Variants in MRTFA observed in about 807,000 individuals in gnomAD.
MRTFA encodes the protein myocardin-related transcription factor A.
Under a neutral mutation model 83.5 loss-of-function variants are expected in MRTFA, and 20 were observed. The ratio of observed to expected loss-of-function variants is 0.24; its 90% CI spans 0.17 to 0.35. MRTFA has a LOEUF of 0.35. MRTFA is among the 10% of genes least tolerant of loss of function. The pLI, the probability that MRTFA is intolerant of heterozygous loss-of-function variation, is 1.00. For synonymous variants in MRTFA, 659 were observed against 541.2 expected, an observed-to-expected ratio of 1.22 and a Z score of -3.02; for missense variants, 1,200 against 1,224.7, an observed-to-expected ratio of 0.98 and a Z score of 0.30.
At chr22:40,500,597 T>C (rs1181102739) in intron 3 of MRTFA, among the ~76,000 whole-genome samples, 1 of 151,816 alleles carries the variant, frequency 6.6e-6, no homozygotes, top group Non-Finnish European at 1.5e-5. Flanking sequence ...TGGTGACTCT[T>C]AACGAGCATG....
chr22:40,414,570 C>G (rs1185724888), intron 14 of MRTFA, among the ~76,000 whole-genome samples: 1 of 152,156 alleles, frequency 6.6e-6, no homozygotes, highest in Non-Finnish European at 1.5e-5. Flanking sequence ...CTGACACATG[C>G]TGCAACACAG....
chr22:40,489,461 C>G (rs2054234080), intron 3 of MRTFA, among the ~76,000 whole-genome samples: 1 of 151,786 alleles, frequency 6.6e-6, no homozygotes, highest in Non-Finnish European at 1.5e-5. Flanking sequence ...GTGTACACCA[C>G]CATGCCCAGC....
intron 7 of MRTFA, among the ~76,000 whole-genome samples, chr22:40,425,291 C>T (rs1313420387): frequency 6.6e-6 from 1 of 152,248 alleles, no homozygotes; most frequent in Non-Finnish European, 1.5e-5. Context: ...CGGCTCAACA[C>T]TGTCGTGGGA....
At position 40,420,613 on chromosome 22, in the gene MRTFA, T is replaced by C. The variant is rs758401892; in HGVS notation, c.1182-37A>G. 4.1e-5 allele frequency: 66 copies of C among 1,604,078 alleles called. No homozygotes were observed. The Middle Eastern group carries it at 7.5e-4, about 18-fold the overall frequency. On this transcript the variant is annotated intron_variant, in intron 10 of 14. Coordinates refer to ENST00000355630, the MANE Select transcript of MRTFA (RefSeq NM_020831.6). Reference sequence around the variant, plus strand: ...AGGCAGAAATTAGCCCCATCCAGCTTCGCCCGTGGCCTCTGCAGGTGGCAG... The same window carrying C: ...AGGCAGAAATTAGCCCCATCCAGCTCCGCCCGTGGCCTCTGCAGGTGGCAG...
intron 3 of MRTFA, among the ~76,000 whole-genome samples, chr22:40,547,009 G>C (rs946936383): frequency 3.3e-5 from 5 of 151,964 alleles, no homozygotes; most frequent in Non-Finnish European, 7.4e-5. Context: ...CAAAAAATTA[G>C]CCTGGCGTGG....
At chr22:40,516,556 G>A (rs1281701329) in intron 3 of MRTFA, among the ~76,000 whole-genome samples, 3 of 151,012 alleles carry the variant, frequency 2.0e-5, no homozygotes, top group Non-Finnish European at 2.9e-5. Flanking sequence ...CACAGCAAAT[G>A]TTCCTACTCT....
rs748627198 is a variant in MRTFA, at chr22:40,418,542, G to T, written c.2196C>A (p.Pro732=). ...GCAACTGGGGGGCGGGGACCGGCTC[G>T]GGCTCAGGCTGCAAGGCTTCCTGCT... is the stretch of plus-strand genomic sequence containing the variant. Residue 732 remains proline, a synonymous_variant, in exon 12 of 15, where the codon CCC becomes CCA. Transcript: ENST00000355630. 5 of 1,583,474 alleles carry T rather than the reference G, an allele frequency of 3.2e-6. No homozygotes were observed. The highest frequency in any genetic ancestry group is 2.3e-5 in the South Asian group (2 of 86,680).
intron 3 of MRTFA, among the ~76,000 whole-genome samples, chr22:40,498,273 A>ATATAT (rs1569297933): frequency 4.9e-5 from 2 of 40,970 alleles, no homozygotes; most frequent in Non-Finnish European, 8.5e-5. Context: ...ATATATATAT[A>ATATAT]TTTTTTTTTT....
At position 40,421,107 on chromosome 22, in the gene MRTFA, G is replaced by T. The variant is rs2052829389; in HGVS notation, c.928-7C>A. On this transcript the variant is annotated splice_polypyrimidine_tract_variant and splice_region_variant and intron_variant, in intron 9 of 14. Coordinates refer to ENST00000355630, the MANE Select transcript of MRTFA (RefSeq NM_020831.6). ...CAGACTTGGGTTGGCTTTGCTGAGG[G>T]CACAGGAGACAGGGTGCCATTCAGG... is the stretch of plus-strand genomic sequence containing the variant. 1 of 1,521,154 alleles carries T rather than the reference G, an allele frequency of 6.6e-7. No individual in the cohort carries two copies. Among genetic ancestry groups the T allele is most frequent in the Admixed American group, 2.1e-5 (1 of 47,012 alleles). 94.2% of individuals were successfully genotyped at this position (1,521,154 alleles called of 1,614,324 possible).
chr22:40,508,745 T>C (rs1170387072), intron 3 of MRTFA, among the ~76,000 whole-genome samples: 1 of 150,688 alleles, frequency 6.6e-6, no homozygotes, highest in Non-Finnish European at 1.5e-5. Flanking sequence ...TGGCTGGGCA[T>C]GGTGGCTCAC....
intron 1 of MRTFA, among the ~76,000 whole-genome samples, chr22:40,601,875 G>A (rs1371967633): frequency 6.6e-6 from 1 of 152,110 alleles, no homozygotes; most frequent in Non-Finnish European, 1.5e-5. Context: ...CAGAGGTAGG[G>A]GGTCAAATCT....
chr22:40,500,006 C>T lies in MRTFA; in HGVS notation c.242-36720G>A, dbSNP rs549515807. Among the ~76,000 whole-genome samples the T allele has an allele frequency of 3.0e-3, 447 of 150,106 alleles. 1 individual carries two copies. The highest frequency in any genetic ancestry group is 4.8e-3 in the Non-Finnish European group (327 of 67,694). ...GTACGATCTCGGCTCACCGGCTCAC[C>T]GCAACGTCCGCCTCCAGGGTTCAAG... On this transcript the variant is annotated intron_variant, in intron 3 of 14. Transcript: ENST00000355630.
chr22:40,498,367 C>T (rs1439017938), intron 3 of MRTFA, among the ~76,000 whole-genome samples: 2 of 141,370 alleles, frequency 1.4e-5, no homozygotes, highest in South Asian at 4.6e-4. Context: ...TCACTGCAGC[C>T]CTGATCTCCT....
rs796103400 is a variant in MRTFA, at chr22:40,459,862, T to TATATATATATATATATATATAC, written c.307+3358_307+3359insGTATATATATATATATATATAT. Among the ~76,000 whole-genome samples, 23 of 121,494 alleles carry TATATATATATATATATATATAC rather than the reference T, an allele frequency of 1.9e-4. 1 individual carries two copies. The highest frequency in any genetic ancestry group is 5.4e-4 in the South Asian group (2 of 3,706). 79.7% of individuals were successfully genotyped at this position (121,494 alleles called of 152,430 possible). A position where few individuals can be genotyped will look rare whatever the true frequency, so the allele number is the denominator to read the frequency against. On this transcript the variant is annotated intron_variant, in intron 4 of 14. Transcript: ENST00000355630. Reference sequence around the variant, plus strand: ...ATATATATATATATATATATATATATACACACATGAATGATACTTTCTCAA... The same window carrying TATATATATATATATATATATAC: ...ATATATATATATATATATATATATATATATATATATATATATATATACACACACATGAATGATACTTTCTCAA...
intron 2 of MRTFA, among the ~76,000 whole-genome samples, chr22:40,563,553 C>T (rs1346731361): frequency 6.9e-6 from 1 of 145,736 alleles, no homozygotes; most frequent in East Asian, 2.0e-4. Flanking sequence ...TATAAATACA[C>T]AGAAGATCAG....
At chr22:40,474,254 CAAAT>C (rs2053957720) in intron 3 of MRTFA, among the ~76,000 whole-genome samples, 1 of 152,032 alleles carries the variant, frequency 6.6e-6, no homozygotes, top group South Asian at 2.1e-4. Context: ...TGACAACAAA[CAAAT>C]AAATTCAAGT....
chr22:40,533,680 A>G, intron 3 of MRTFA: 1 of 1,158,442 alleles, frequency 8.6e-7, no homozygotes, highest in East Asian at 3.2e-5. Flanking sequence ...TAATGAAGAA[A>G]GTCAAAGTCA....
chr22:40,527,454 T>A (rs1390705403), intron 3 of MRTFA, among the ~76,000 whole-genome samples: 1 of 151,680 alleles, frequency 6.6e-6, no homozygotes, highest in Non-Finnish European at 1.5e-5. Context: ...AAAGAAAATC[T>A]TTTTAAAAAA....
chr22:40,463,823 G>A (rs531567363), intron 3 of MRTFA, among the ~76,000 whole-genome samples: 7 of 152,130 alleles, frequency 4.6e-5, no homozygotes, highest in East Asian at 3.9e-4. Context: ...ATATTTTACC[G>A]TTAATATGCC....
Sources: allele counts gnomAD v4.1 joint callset (sites outside exome capture counted in the v4.1 genomes callset), GRCh38; gene constraint gnomAD v4.1.1; transcripts MANE v1.5; gene names NCBI Gene and HGNC (gene_info 2026-07-23, HGNC 2026-07-21).